Variants in PDE10A observed in about 807,000 individuals in gnomAD.
The protein encoded by PDE10A is phosphodiesterase 10A.
A neutral mutation model predicts 97.7 loss-of-function variants in PDE10A; 39 were observed. The observed-to-expected ratio is 0.40, with a 90% CI of 0.31 to 0.52. PDE10A has a LOEUF of 0.52. Ranked by LOEUF, PDE10A falls within the 20% of genes least tolerant of loss-of-function variation. The pLI, the probability that PDE10A is intolerant of heterozygous loss-of-function variation, is 0.56. For missense variants in PDE10A, 731 were observed against 1,047.8 expected, an observed-to-expected ratio of 0.70 and a Z score of 4.17; for synonymous variants, 371 against 376.8, an observed-to-expected ratio of 0.98 and a Z score of 0.18.
chr6:165,529,106 C>T (rs1448714727), intron 2 of PDE10A, among the ~76,000 whole-genome samples: 1 of 152,154 alleles, frequency 6.6e-6, no homozygotes, highest in Non-Finnish European at 1.5e-5. Flanking sequence ...CCAGGACTCA[C>T]AACAACGATT....
chr6:165,614,119 T>C (rs796095289), intron 1 of PDE10A, among the ~76,000 whole-genome samples: 10 of 152,308 alleles, frequency 6.6e-5, no homozygotes, highest in African/African-American at 2.4e-4. Flanking sequence ...CTTTTGTCAG[T>C]CACTAGCTCC....
intron 1 of PDE10A, among the ~76,000 whole-genome samples, chr6:165,719,998 G>A (rs9459492): frequency 0.54 from 82,378 of 152,100 alleles, 22,558 homozygotes; most frequent in Non-Finnish European, 0.58. Context: ...CGTGAGGATC[G>A]GGGAGGAACT....
chr6:165,889,883 CACTCACT>C (rs1273354765), intron 1 of PDE10A, among the ~76,000 whole-genome samples: 9 of 113,920 alleles, frequency 7.9e-5, no homozygotes, highest in African/African-American at 1.6e-4. Context: ...ACTCCTCCCT[CACTCACT>C]CCTCCCTCCC....
chr6:165,404,330 G>A (rs1251805055), intron 13 of PDE10A, among the ~76,000 whole-genome samples: 6 of 152,228 alleles, frequency 3.9e-5, no homozygotes, highest in African/African-American at 1.2e-4. Context: ...CATGCAGGAT[G>A]AGACTTCCCT....
chr6:165,353,188 C>T (rs1022194956), intron 18 of PDE10A, among the ~76,000 whole-genome samples: 2 of 152,144 alleles, frequency 1.3e-5, no homozygotes, highest in Non-Finnish European at 1.5e-5. Context: ...ACTGACAATG[C>T]CCAATGCTGG....
rs148260278 is a variant in PDE10A at position 165,937,027 on chromosome 6, C to T, written c.-615+50502G>A. Among the ~76,000 whole-genome samples the T allele has an allele frequency of 1.5e-3, 232 of 152,322 alleles. 1 individual carries two copies. Among genetic ancestry groups the T allele is most frequent in the Middle Eastern group, 0.01 (3 of 294 alleles). ...CAAATTTTGGAAGACCATTTGCTTG[C>T]GCTGAGACGAAGTTCTTCCTCTATG... On this transcript the variant is annotated intron_variant, in intron 1 of 19. Coordinates refer to the PDE10A transcript ENST00000366882.
chr6:165,629,464 GTT>G (rs1788531153), intron 1 of PDE10A, among the ~76,000 whole-genome samples: 1 of 148,056 alleles, frequency 6.8e-6, no homozygotes, highest in Non-Finnish European at 1.5e-5. Context: ...CTTTTGTTTT[GTT>G]AATTAGATAT....
At chr6:165,513,712 T>C (rs1274003212) in intron 2 of PDE10A, among the ~76,000 whole-genome samples, 2 of 152,286 alleles carry the variant, frequency 1.3e-5, no homozygotes, top group African/African-American at 2.4e-5. Flanking sequence ...CAATGTTTCA[T>C]AGTTTTCAGT....
At chr6:165,336,352 C>A in intron 20 of PDE10A, 141 bp from the exon 21 acceptor site, 1 of 646,292 alleles carries the variant, frequency 1.5e-6, no homozygotes. Flanking sequence ...TATGTGATAT[C>A]TGGGTTCCAT....
intron 18 of PDE10A, among the ~76,000 whole-genome samples, chr6:165,344,956 C>T (rs950778467): frequency 1.8e-4 from 28 of 152,012 alleles, no homozygotes; most frequent in African/African-American, 6.5e-4. Flanking sequence ...TTAATGAGGT[C>T]GTTTCTAAGA....
chr6:165,902,226 G>A (rs372994071), intron 1 of PDE10A, among the ~76,000 whole-genome samples: 8 of 152,286 alleles, frequency 5.3e-5, no homozygotes, highest in South Asian at 2.1e-4. Context: ...CTGACTGCAC[G>A]TCCACTCCTC....
At chr6:165,547,872 A>G (rs1783813484) in intron 1 of PDE10A, among the ~76,000 whole-genome samples, 1 of 152,198 alleles carries the variant, frequency 6.6e-6, no homozygotes, top group Non-Finnish European at 1.5e-5. Flanking sequence ...CAGAAATCTT[A>G]CAAGCTTCTC....
intron 1 of PDE10A, among the ~76,000 whole-genome samples, chr6:165,960,541 T>C (rs1583353394): frequency 6.6e-6 from 1 of 152,214 alleles, no homozygotes; most frequent in East Asian, 1.9e-4. Flanking sequence ...GTCATTAAAT[T>C]TTAGTACATC....
At chr6:165,384,572 C>G (rs1224649815) in intron 17 of PDE10A, among the ~76,000 whole-genome samples, 3 of 150,560 alleles carry the variant, frequency 2.0e-5, no homozygotes, top group African/African-American at 7.4e-5. Flanking sequence ...AAGCTGTGAG[C>G]AAATACCCAC....
At chr6:165,651,131 C>T (rs138647080) in intron 1 of PDE10A, among the ~76,000 whole-genome samples, 1 of 152,346 alleles carries the variant, frequency 6.6e-6, no homozygotes, top group East Asian at 1.9e-4. Flanking sequence ...GAAGCACCTG[C>T]CTCCTCGTGG....
rs191848260 is a variant in PDE10A, at chr6:165,875,775, C to T, written c.-615+111754G>A. Among the ~76,000 whole-genome samples, 424 of 132,360 alleles carry T rather than the reference C, an allele frequency of 3.2e-3. 3 individuals carry two copies. Among genetic ancestry groups the T allele is most frequent in the African/African-American group, 0.011 (368 of 34,230 alleles). The allele number at this position is 132,360 out of a possible 152,430, so 86.8% of individuals were successfully genotyped here. A position where few individuals can be genotyped will look rare whatever the true frequency, so the allele number is the denominator to read the frequency against. On this transcript the variant is annotated intron_variant, in intron 1 of 19. Transcript: ENST00000366882. ...GTGTGTGTGTGTGTTTGTTTTAACA[C>T]GGAGATATTTAATCCTACCAGATGT...
intron 1 of PDE10A, among the ~76,000 whole-genome samples, chr6:165,543,840 A>G (rs1562566602): frequency 7.7e-6 from 1 of 129,838 alleles, no homozygotes. Flanking sequence ...CAGCATTTAA[A>G]ATGGTAAAAA....
At position 165,418,028 on chromosome 6, in the gene PDE10A, C is replaced by T. The variant is rs1315162849; in HGVS notation, c.1796+607G>A. On this transcript the variant is annotated intron_variant, in intron 11 of 21. Transcript: ENST00000539869. The surrounding 1 kb of genome is among the most constrained non-coding windows in gnomAD (Gnocchi z 4.8). ...TCAGAGTGCTCCTTGTGTAGGTTTC[C>T]AGGTGCGATATGAGCAAGCCCCCAT... Among the ~76,000 whole-genome samples the T allele has an allele frequency of 6.6e-6, 1 of 152,024 alleles. No individual in the cohort carries two copies. Among genetic ancestry groups the T allele is most frequent in the Non-Finnish European group, 1.5e-5 (1 of 67,998 alleles).
At chr6:165,951,637 G>A (rs1366221982) in intron 1 of PDE10A, among the ~76,000 whole-genome samples, 1 of 151,946 alleles carries the variant, frequency 6.6e-6, no homozygotes, top group Non-Finnish European at 1.5e-5. Context: ...TTTCTCACTC[G>A]GTCTCCTAAC....
Sources: allele counts gnomAD v4.1 joint callset (sites outside exome capture counted in the v4.1 genomes callset), GRCh38; gene constraint gnomAD v4.1.1; non-coding constraint Gnocchi (gnomAD v3.1); transcripts MANE v1.5; gene names NCBI Gene and HGNC (gene_info 2026-07-23, HGNC 2026-07-21).